JRK: variants seen among roughly 807,000 people sequenced by gnomAD.
JRK encodes the protein jerky protein homolog.
For missense variants in JRK, 720 were observed against 509.2 expected (o/e 1.41, Z -3.98); for synonymous variants, 303 against 218.1 (o/e 1.39, Z -3.43).
At position 142,664,531 on chromosome 8, in the gene JRK, G is replaced by A. The variant is rs1847024345; in HGVS notation, c.1528C>T (p.Gln510Ter). The A allele has an allele frequency of 6.2e-7, 1 of 1,608,670 alleles. No homozygotes were observed. Among genetic ancestry groups the A allele is most frequent in the Non-Finnish European group, 8.5e-7 (1 of 1,178,372 alleles). ...AGCGCCCGCAGCTGCCCCACTTCCT[G>A]CGCACTGAAGCATGGCTGCCGCTCC... ...FAERQPCFSA[Q>*]EVGQLRALRA... Residue 510 changes from glutamine (Q) to a stop codon, truncating the protein, a stop_gained, in exon 2 of 2, where the codon CAG becomes TAG. Coordinates refer to ENST00000612905, the MANE Select transcript of JRK (RefSeq NM_003724.4). LOFTEE classifies it low-confidence loss of function (END_TRUNC).
chr8:142,664,869 G>A lies in JRK; in HGVS notation c.1190C>T (p.Ser397Phe), dbSNP rs781793972. 2 of 1,463,372 alleles carry A rather than the reference G, an allele frequency of 1.4e-6. No individual in the cohort carries two copies. Among genetic ancestry groups the A allele is most frequent in the East Asian group, 2.3e-5 (1 of 43,972 alleles). 90.6% of individuals were successfully genotyped at this position (1,463,372 alleles called of 1,614,324 possible). A position where few individuals can be genotyped will look rare whatever the true frequency, so the allele number is the denominator to read the frequency against. The change falls in exon 2 of 2, where the codon TCT becomes TTT. Residue 397 changes from serine (S) to phenylalanine (F), a missense_variant. Physicochemically the swap from Ser to Phe is radical, Grantham distance 155 (BLOSUM62 -2). Transcript: ENST00000612905. ...GCACTCTGCCTCCAACTCCTCCTCA[G>A]AGGAGGAGCCTTCGGCAAACGCAAC... ...PSVAFAEGSS[S>F]EEELEAECFP... is the part of the protein sequence containing the mutation.
In JRK at chr8:142,659,101, G is replaced by C; in HGVS notation, c.*5251C>G. On this transcript the variant is annotated 3_prime_UTR_variant, in exon 2 of 2. Coordinates refer to ENST00000612905, the MANE Select transcript of JRK (RefSeq NM_003724.4). Reference sequence around the variant, plus strand: ...AACTGACAGCCCATCAAGGTACAATGAAATAGAAAAAAGGCTGGCCAGGTG... The same window carrying C: ...AACTGACAGCCCATCAAGGTACAATCAAATAGAAAAAAGGCTGGCCAGGTG... 2.2e-6 allele frequency: 3 copies of C among 1,378,068 alleles called. No individual in the cohort carries two copies. Among genetic ancestry groups the C allele is most frequent in the Non-Finnish European group, 2.8e-6 (3 of 1,065,390 alleles). The allele number at this position is 1,378,068 out of a possible 1,614,324, so 85.4% of individuals were successfully genotyped here.
rs1846923346 is a variant in JRK at position 142,661,767 on chromosome 8, G to C, written c.*2585C>G. ...TGTGCTGTGGTGTCTGGTACAGCGGGGCTCCACCTGAGAGGGCTTGGGGAA... is the reference window on the plus strand; with the variant it reads ...TGTGCTGTGGTGTCTGGTACAGCGGCGCTCCACCTGAGAGGGCTTGGGGAA... On this transcript the variant is annotated 3_prime_UTR_variant, in exon 2 of 2. Transcript: ENST00000612905. The C allele has an allele frequency of 2.0e-6, 2 of 985,376 alleles. No homozygotes were observed. The highest frequency in any genetic ancestry group is 4.7e-5 in the South Asian group (1 of 21,296). The allele number at this position is 985,376 out of a possible 1,614,324, so 61.0% of individuals were successfully genotyped here. A position where few individuals can be genotyped will look rare whatever the true frequency, so the allele number is the denominator to read the frequency against.
the JRK span, among the ~76,000 whole-genome samples, chr8:142,651,640 T>C: frequency 6.6e-6 from 1 of 151,840 alleles, no homozygotes; most frequent in East Asian, 1.9e-4. Context: ...CAGATAGAAT[T>C]GGTCAAACCC....
chr8:142,668,934 CCT>C (rs1554636725), intron 1 of JRK, among the ~76,000 whole-genome samples: 1 of 151,724 alleles, frequency 6.6e-6, no homozygotes, highest in Non-Finnish European at 1.5e-5. Context: ...TGTGGGATTC[CCT>C]GTCTCCCCGA....
rs1007959348 is a variant in JRK at position 142,659,781 on chromosome 8, C to A, written c.*4571G>T. ...ACAGCAGGGAGTGAGCAGTGGAGAA[C>A]GTGAGGCTGGTCATTAGGAGCAGGT... On this transcript the variant is annotated 3_prime_UTR_variant, in exon 2 of 2. Coordinates refer to ENST00000612905, the MANE Select transcript of JRK (RefSeq NM_003724.4). 1 of 985,558 alleles carries A rather than the reference C, an allele frequency of 1.0e-6. No individual in the cohort carries two copies. Among genetic ancestry groups the A allele is most frequent in the South Asian group, 4.7e-5 (1 of 21,290 alleles). 61.1% of individuals were successfully genotyped at this position (985,558 alleles called of 1,614,324 possible).
chr8:142,663,313 T>C lies in JRK; in HGVS notation c.*1039A>G, dbSNP rs1846976364. On this transcript the variant is annotated 3_prime_UTR_variant, in exon 2 of 2. Coordinates refer to ENST00000612905, the MANE Select transcript of JRK (RefSeq NM_003724.4). ...TACAGACATGGAGAAAATAACCACATCCTCTTACAACCGCCTCTGTGAAAA... is the reference window on the plus strand; with the variant it reads ...TACAGACATGGAGAAAATAACCACACCCTCTTACAACCGCCTCTGTGAAAA... 1 of 985,238 alleles carries C rather than the reference T, an allele frequency of 1.0e-6. No individual in the cohort carries two copies. Among genetic ancestry groups the C allele is most frequent in the Non-Finnish European group, 1.2e-6 (1 of 829,934 alleles). The allele number at this position is 985,238 out of a possible 1,614,324, so 61.0% of individuals were successfully genotyped here.
At position 142,659,570 on chromosome 8, in the gene JRK, C is replaced by T. The variant is rs1457470999; in HGVS notation, c.*4782G>A. 21 of 985,484 alleles carry T rather than the reference C, an allele frequency of 2.1e-5. 1 individual carries two copies. The African/African-American group carries it at 2.4e-4, about 11-fold the overall frequency. 61.0% of individuals were successfully genotyped at this position (985,484 alleles called of 1,614,324 possible). A position where few individuals can be genotyped will look rare whatever the true frequency, so the allele number is the denominator to read the frequency against. On this transcript the variant is annotated 3_prime_UTR_variant, in exon 2 of 2. Coordinates refer to ENST00000612905, the MANE Select transcript of JRK (RefSeq NM_003724.4). Reference sequence around the variant, plus strand: ...GGTGCAGGGCCTTGAGCAGGGAGGCCATCGTGCTGCCTAAGAGACCAGGAC... The same window carrying T: ...GGTGCAGGGCCTTGAGCAGGGAGGCTATCGTGCTGCCTAAGAGACCAGGAC...
chr8:142,649,790 T>C, the JRK span, among the ~76,000 whole-genome samples: 2 of 152,336 alleles, frequency 1.3e-5, no homozygotes, highest in Non-Finnish European at 2.9e-5. Flanking sequence ...GCTAGCACAG[T>C]GTGGAACGAA....
rs1847262078 is a variant in JRK, at chr8:142,669,671, G to GGGCCGCGCGCTCA, written c.-463+248_-463+260dup. 4.6e-5 allele frequency among the ~76,000 whole-genome samples: 7 copies of GGGCCGCGCGCTCA among 151,848 alleles called. No individual in the cohort carries two copies. In the South Asian group the frequency reaches 1.5e-3, roughly 31 times the overall value. On this transcript the variant is annotated intron_variant, in intron 1 of 1. Transcript: ENST00000612905. ...GCGGCAAGGGGTGGGTGCGGCTCGG[G>GGGCCGCGCGCTCA]GGCCGCGCGCTCAGGCCGCGGGGGT... is the stretch of plus-strand genomic sequence containing the variant.
rs201648125 is a variant in JRK, at chr8:142,660,140, TCCATTCTCC to T, written c.*4203_*4211del. The stretch of plus-strand genomic sequence containing the variant: ...AAGAGGACAAACAAGGTCTCACAGG[TCCATTCTCC>T]CCAGCCTCCCAGTAGGCAGCTGAGT... On this transcript the variant is annotated 3_prime_UTR_variant, in exon 2 of 2. Coordinates refer to ENST00000612905, the MANE Select transcript of JRK (RefSeq NM_003724.4). 9.5e-4 allele frequency: 936 copies of T among 985,506 alleles called. 5 individuals are homozygous for T. In the African/African-American group the frequency reaches 0.015, roughly 16 times the overall value. 61.0% of individuals were successfully genotyped at this position (985,506 alleles called of 1,614,324 possible).
chr8:142,668,858 G>A (rs1455596788), intron 1 of JRK, among the ~76,000 whole-genome samples: 2 of 151,666 alleles, frequency 1.3e-5, no homozygotes, highest in South Asian at 2.1e-4. Flanking sequence ...CCCGTGTCTG[G>A]TGCTGAGTCT....
downstream of JRK, among the ~76,000 whole-genome samples, chr8:142,652,865 C>T (rs182123213): frequency 2.2e-4 from 33 of 152,344 alleles, 1 homozygote; most frequent in African/African-American, 4.8e-4. Context: ...TCCTTCTAGG[C>T]TCAACGTCAT....
At chr8:142,651,963 G>A in the JRK span, among the ~76,000 whole-genome samples, 2 of 151,586 alleles carry the variant, frequency 1.3e-5, no homozygotes, top group Non-Finnish European at 2.9e-5. Flanking sequence ...CATAGAAGCA[G>A]GAAAAAACTT....
At position 142,665,353 on chromosome 8, in the gene JRK, C is replaced by T. The variant is rs781793116; in HGVS notation, c.706G>A (p.Gly236Arg). The T allele has an allele frequency of 1.4e-5, 10 of 717,516 alleles. No homozygotes were observed. The Admixed American group carries it at 1.4e-4, about 10-fold the overall frequency. The allele number at this position is 717,516 out of a possible 1,614,324, so 44.4% of individuals were successfully genotyped here. A position where few individuals can be genotyped will look rare whatever the true frequency, so the allele number is the denominator to read the frequency against. ...AAAGCCCTGGGACCGCTGCACTTCC[C>T]GATGGCCAAGGGCTTGAGCCTGTGG... ...GSHRLKPLAI[G>R]KCSGPRAFKG... The change falls in exon 2 of 2, where the codon GGG becomes AGG. Residue 236 changes from glycine (G) to arginine (R), a missense_variant. Transcript: ENST00000612905.
At position 142,664,824 on chromosome 8, in the gene JRK, T is replaced by C; in HGVS notation, c.1235A>G (p.Asn412Ser). ...EAECFPVKPH[N>S]KSFAHILELV... ...CTCCAGGATGTGTGCAAAGGACTTG[T>C]TGTGGGGCTTCACTGGGAAGCACTC... Residue 412 changes from asparagine to serine, a missense_variant, in exon 2 of 2, where the codon AAC becomes AGC. By Grantham distance (46) the Asn-to-Ser change is conservative. Transcript: ENST00000612905. 1.9e-6 allele frequency: 3 copies of C among 1,597,564 alleles called. No homozygotes were observed. The highest frequency in any genetic ancestry group is 1.1e-5 in the South Asian group (1 of 89,152).
chr8:142,651,489 G>A, the JRK span, among the ~76,000 whole-genome samples: 233 of 150,278 alleles, frequency 1.6e-3, 1 homozygote, highest in Admixed American at 0.013. Flanking sequence ...AGCAAAAAGT[G>A]GTCTTGTTAT....
chr8:142,663,427 C>T lies in JRK; in HGVS notation c.*925G>A. On this transcript the variant is annotated 3_prime_UTR_variant, in exon 2 of 2. Coordinates refer to ENST00000612905, the MANE Select transcript of JRK (RefSeq NM_003724.4). ...GCACACATACTGCTAGAAATCTAAGCAGCCTGTTTTACTGTTTTCAGTGAC... is the reference window on the plus strand; with the variant it reads ...GCACACATACTGCTAGAAATCTAAGTAGCCTGTTTTACTGTTTTCAGTGAC... 3.0e-6 allele frequency: 3 copies of T among 985,474 alleles called. No individual in the cohort carries two copies. The highest frequency in any genetic ancestry group is 3.6e-6 in the Non-Finnish European group (3 of 829,930). 61.0% of individuals were successfully genotyped at this position (985,474 alleles called of 1,614,324 possible).
Position 142,661,298 on chromosome 8 carries a change from A to G in JRK, c.*3054T>C. 1.0e-6 allele frequency: 1 copy of G among 985,450 alleles called. No homozygotes were observed. Among genetic ancestry groups the G allele is most frequent in the Non-Finnish European group, 1.2e-6 (1 of 829,958 alleles). The allele number at this position is 985,450 out of a possible 1,614,324, so 61.0% of individuals were successfully genotyped here. ...GAAGGGGCTGAAAGACCACCTACCC[A>G]TCCTAACCCCTGAATTCACCATGCC... On this transcript the variant is annotated 3_prime_UTR_variant, in exon 2 of 2. Coordinates refer to ENST00000612905, the MANE Select transcript of JRK (RefSeq NM_003724.4).
Sources: allele counts gnomAD v4.1 joint callset (sites outside exome capture counted in the v4.1 genomes callset), GRCh38; gene constraint gnomAD v4.1.1; transcripts MANE v1.5; gene names NCBI Gene and HGNC (gene_info 2026-07-23, HGNC 2026-07-21).